Variants in ERI1 observed in about 807,000 individuals in gnomAD.
ERI1 encodes exoribonuclease 1, also known as 3'-5' exoribonuclease 1.
Under a neutral mutation model 39.7 loss-of-function variants are expected in ERI1, and 39 were observed. The ratio of observed to expected loss-of-function variants is 0.98; its 90% CI spans 0.76 to 1.28. The LOEUF (loss-of-function observed/expected upper bound fraction) is 1.28, where lower values mean the gene tolerates loss of function less well. Ranked by LOEUF, ERI1 falls within the 50% of genes most tolerant of loss-of-function variation. The probability of loss-of-function intolerance (pLI) is 0.00; values close to 1 mark genes in which losing one functional copy is unlikely to be tolerated. For synonymous variants in ERI1, 204 were observed against 149.6 expected, an observed-to-expected ratio of 1.36 and a Z score of -2.65; for missense variants, 581 against 416.9, an observed-to-expected ratio of 1.39 and a Z score of -3.43.
At chr8:9,008,309 G>C (rs1370561430) in intron 2 of ERI1, among the ~76,000 whole-genome samples, 161 bp downstream of exon 2, 1 of 152,116 alleles carries the variant, frequency 6.6e-6, no homozygotes, top group African/African-American at 2.4e-5. Flanking sequence ...GTGCAACTCT[G>C]ATTATTTTTG....
At chr8:9,019,531 T>G (rs188935377) in intron 5 of ERI1, among the ~76,000 whole-genome samples, 1 of 152,186 alleles carries the variant, frequency 6.6e-6, no homozygotes, top group Non-Finnish European at 1.5e-5. Flanking sequence ...TCAAAACCTA[T>G]GCAATTTTGT....
intron 6 of ERI1, among the ~76,000 whole-genome samples, chr8:9,027,157 G>GTA (rs1487954327): frequency 1.4e-5 from 2 of 144,680 alleles, no homozygotes; most frequent in African/African-American, 5.7e-5. Context: ...GTATGTGTGT[G>GTA]TGTGTGTGTG....
At chr8:9,076,040 A>T (rs1799200748) in intron 3 of ERI1, among the ~76,000 whole-genome samples, 1 of 152,004 alleles carries the variant, frequency 6.6e-6, no homozygotes, top group African/African-American at 2.4e-5. Context: ...GGTCCAAGTG[A>T]TCCTCCTGCC....
Position 9,003,187 on chromosome 8 carries a change from G to A in ERI1, c.108+16G>A, listed in dbSNP as rs1815554511. 8.1e-7 allele frequency: 1 copy of A among 1,236,284 alleles called. No individual in the cohort carries two copies. The highest frequency in any genetic ancestry group is 1.0e-6 in the Non-Finnish European group (1 of 987,754). 76.6% of individuals were successfully genotyped at this position (1,236,284 alleles called of 1,614,324 possible). On this transcript the variant is annotated intron_variant, in intron 1 of 6. Coordinates refer to ENST00000250263, the MANE Select transcript of ERI1 (RefSeq NM_153332.4). Reference sequence around the variant, plus strand: ...CAGTCCCGAGGTGAGGAGTCGACCCGCGCCTGGCTGTTGGCGCCAGCTGCC... The same window carrying A: ...CAGTCCCGAGGTGAGGAGTCGACCCACGCCTGGCTGTTGGCGCCAGCTGCC...
chr8:9,049,389 TAATGGTGAAAAAAA>T (rs1204232077), intron 3 of ERI1, among the ~76,000 whole-genome samples: 1 of 123,712 alleles, frequency 8.1e-6, no homozygotes, highest in Admixed American at 7.8e-5. Context: ...GCAAAAAAAT[TAATGGTGAAAAAAA>T]AATGTCAAGT....
Position 9,018,418 on chromosome 8 carries a change from G to T in ERI1, c.692+12G>T, listed in dbSNP as rs1237852454. The T allele has an allele frequency of 7.1e-7, 1 of 1,411,428 alleles. No homozygotes were observed. The highest frequency in any genetic ancestry group is 1.9e-5 in the Admixed American group (1 of 52,484). 87.4% of individuals were successfully genotyped at this position (1,411,428 alleles called of 1,614,324 possible). A position where few individuals can be genotyped will look rare whatever the true frequency, so the allele number is the denominator to read the frequency against. On this transcript the variant is annotated intron_variant, in intron 5 of 6. Coordinates refer to ENST00000250263, the MANE Select transcript of ERI1 (RefSeq NM_153332.4). ...CTTTTAACAGATGGGTAAGTATTTA[G>T]GAAGATTATTTTTTTATATCTACTT...
chr8:9,072,325 T>A (rs1799078739), intron 3 of ERI1: 1 of 152,218 alleles, frequency 6.6e-6, no homozygotes, highest in Non-Finnish European at 1.5e-5. Context: ...TTTATTGATA[T>A]ATAATTCACA....
At position 9,031,470 on chromosome 8, in the gene ERI1, T is replaced by C. The variant is rs986991487; in HGVS notation, c.*1436T>C. ...CAGATTATAGTAAAATAAGGAAATC[T>C]AAGTGCTTTAAGTTTATACAGTTAA... On this transcript the variant is annotated 3_prime_UTR_variant, in exon 7 of 7. Transcript: ENST00000250263. 12 of 152,224 alleles carry C rather than the reference T, an allele frequency of 7.9e-5. No homozygotes were observed. Among genetic ancestry groups the C allele is most frequent in the African/African-American group, 2.9e-4 (12 of 41,464 alleles). 9.4% of individuals were successfully genotyped at this position (152,224 alleles called of 1,614,324 possible).
At chr8:9,060,022 T>G (rs576019819) in intron 3 of ERI1, among the ~76,000 whole-genome samples, 1 of 152,208 alleles carries the variant, frequency 6.6e-6, no homozygotes, top group South Asian at 2.1e-4. Flanking sequence ...GAAGGGAAAG[T>G]GGTAAAAGTA....
At chr8:9,011,509 C>T in intron 2 of ERI1, 33 bp from the exon 3 acceptor site, 2 of 1,452,432 alleles carry the variant, frequency 1.4e-6, no homozygotes, top group Non-Finnish European at 1.9e-6. Flanking sequence ...GTAGAATTTA[C>T]CTAAGTGTAA....
chr8:9,060,968 A>T (rs1798674970), intron 3 of ERI1, among the ~76,000 whole-genome samples: 1 of 152,238 alleles, frequency 6.6e-6, no homozygotes, highest in African/African-American at 2.4e-5. Flanking sequence ...CCTGTATAAC[A>T]GCATGGTGGT....
At chr8:9,024,043 G>A (rs576887869) in intron 6 of ERI1, among the ~76,000 whole-genome samples, 2 of 152,068 alleles carry the variant, frequency 1.3e-5, no homozygotes, top group South Asian at 2.1e-4. Context: ...CTTGTGATCC[G>A]CACACCTTGG....
Position 9,032,881 on chromosome 8 carries a change from C to T in ERI1, c.*2847C>T, listed in dbSNP as rs1266595560. 4 of 152,114 alleles carry T rather than the reference C, an allele frequency of 2.6e-5. No homozygotes were observed. Among genetic ancestry groups the T allele is most frequent in the African/African-American group, 9.7e-5 (4 of 41,408 alleles). 9.4% of individuals were successfully genotyped at this position (152,114 alleles called of 1,614,324 possible). On this transcript the variant is annotated 3_prime_UTR_variant, in exon 7 of 7. Coordinates refer to ENST00000250263, the MANE Select transcript of ERI1 (RefSeq NM_153332.4). Reference sequence around the variant, plus strand: ...GCACGCACGGGTGCATTGTCAAAGTCTGAGAAGGATGTATTGTACTTTGAA... The same window carrying T: ...GCACGCACGGGTGCATTGTCAAAGTTTGAGAAGGATGTATTGTACTTTGAA...
At chr8:9,020,311 G>A (rs565661776) in intron 5 of ERI1, 39 bp from the exon 6 acceptor site, 33 of 1,152,992 alleles carry the variant, frequency 2.9e-5, no homozygotes, top group East Asian at 1.8e-4. Context: ...ATAGCATAGC[G>A]TTTATTTCAT....
At chr8:9,007,935 C>CTTTTTT in intron 1 of ERI1, 35 bp from the exon 2 acceptor site, 9 of 959,442 alleles carry the variant, frequency 9.4e-6, no homozygotes, top group South Asian at 7.0e-5. Context: ...AAACTACATC[C>CTTTTTT]TTTTTTTTTT....
At chr8:9,087,625 T>G (rs1231582164) in intron 3 of ERI1, among the ~76,000 whole-genome samples, 1 of 152,190 alleles carries the variant, frequency 6.6e-6, no homozygotes, top group Non-Finnish European at 1.5e-5. Context: ...TAATTATATG[T>G]GTTTTAATGC....
chr8:9,077,065 T>G (rs1352691471), intron 3 of ERI1, among the ~76,000 whole-genome samples: 1 of 152,266 alleles, frequency 6.6e-6, no homozygotes, highest in Admixed American at 6.5e-5. Flanking sequence ...CCAGTGTTAC[T>G]TATCTGCTGG....
chr8:9,081,384 C>T (rs1191048998), intron 3 of ERI1, among the ~76,000 whole-genome samples: 1 of 152,196 alleles, frequency 6.6e-6, no homozygotes. Flanking sequence ...ATTGTTGAAG[C>T]TGCCAAGGGT....
chr8:9,015,367 C>G (rs796711645), intron 3 of ERI1, among the ~76,000 whole-genome samples: 3 of 152,118 alleles, frequency 2.0e-5, no homozygotes, highest in African/African-American at 7.2e-5. Context: ...TAAAATTGTC[C>G]TTAATCTCAA....
Sources: gnomAD v4.1 joint callset for allele counts (sites outside exome capture counted in the v4.1 genomes callset) on GRCh38, gnomAD v4.1.1 for gene constraint, MANE v1.5 for transcripts, NCBI Gene and HGNC (gene_info 2026-07-23, HGNC 2026-07-21) for gene names.